DIP2C: variants seen among roughly 807,000 people sequenced by gnomAD.
The protein encoded by DIP2C is DIP2 acetate--CoA ligase C (putative).
DIP2C carries 33 observed loss-of-function variants against 192.4 expected under a neutral mutation model. The observed-to-expected ratio is 0.17, with a 90% confidence interval of 0.13 to 0.23. The LOEUF (loss-of-function observed/expected upper bound fraction) is 0.23, where lower values mean the gene tolerates loss of function less well. Among genes scored for constraint, DIP2C ranks in the 10% least tolerant of loss-of-function variants. DIP2C has a pLI of 1.00. For synonymous variants in DIP2C, 979 were observed against 864.1 expected, an observed-to-expected ratio of 1.13 and a Z score of -2.33; for missense variants, 1,537 against 2,110.1, an observed-to-expected ratio of 0.73 and a Z score of 5.32.
At chr10:626,623 G>C (rs1234801282) in intron 1 of DIP2C, among the ~76,000 whole-genome samples, 1 of 152,080 alleles carries the variant, frequency 6.6e-6, no homozygotes, top group Non-Finnish European at 1.5e-5. Context: ...GCTGCACCCA[G>C]AGGCATTCCG....
At chr10:360,572 C>T (rs1959352396) in intron 22 of DIP2C, among the ~76,000 whole-genome samples, 2 of 152,206 alleles carry the variant, frequency 1.3e-5, no homozygotes, top group Admixed American at 1.3e-4. Flanking sequence ...CACACAAATC[C>T]CAAGTGGGAG....
chr10:572,884 C>T (rs1471849218), intron 1 of DIP2C, among the ~76,000 whole-genome samples: 2 of 152,120 alleles, frequency 1.3e-5, no homozygotes, highest in Non-Finnish European at 1.5e-5. Flanking sequence ...CGGCGGGACT[C>T]GCTAAACAGG....
intron 32 of DIP2C, among the ~76,000 whole-genome samples, chr10:304,671 ACAC>A (rs1409746903): frequency 1.4e-5 from 2 of 140,958 alleles, no homozygotes; most frequent in East Asian, 4.2e-4. Context: ...TGCAACACAC[ACAC>A]AATACTCACA....
chr10:466,041 T>C (rs1184022581), intron 3 of DIP2C, among the ~76,000 whole-genome samples: 273 of 151,262 alleles, frequency 1.8e-3, no homozygotes, highest in African/African-American at 5.8e-3. Context: ...AAAACTACTT[T>C]AAAGTTCATA....
chr10:580,349 G>T (rs1233899480), intron 1 of DIP2C, among the ~76,000 whole-genome samples: 1 of 152,102 alleles, frequency 6.6e-6, no homozygotes, highest in Non-Finnish European at 1.5e-5. Context: ...TAGTGTACAT[G>T]CATGCTTACA....
chr10:566,843 C>G (rs944407575), intron 1 of DIP2C, among the ~76,000 whole-genome samples: 2 of 152,196 alleles, frequency 1.3e-5, no homozygotes, highest in African/African-American at 4.8e-5. Context: ...GCACAGCTAG[C>G]GTGCCACAGA....
At chr10:340,812 C>T (rs1161683208) in intron 29 of DIP2C, 1 of 459,758 alleles carries the variant, frequency 2.2e-6, no homozygotes, top group Admixed American at 2.3e-5. Flanking sequence ...CCCGCAGTAA[C>T]AGCTGGGGTG....
intron 31 of DIP2C, among the ~76,000 whole-genome samples, chr10:316,280 AAAT>A (rs1956769131): frequency 6.6e-6 from 1 of 152,244 alleles, no homozygotes; most frequent in South Asian, 2.1e-4. Context: ...AGTAAAGATT[AAAT>A]AACATTTACC....
chr10:486,852 G>T (rs565635246), intron 1 of DIP2C, among the ~76,000 whole-genome samples: 1 of 152,202 alleles, frequency 6.6e-6, no homozygotes, highest in Non-Finnish European at 1.5e-5. Context: ...CCTGGTGGCC[G>T]GGGCTCTCGT....
chr10:570,890 T>C (rs1849752202), intron 1 of DIP2C, among the ~76,000 whole-genome samples: 1 of 152,264 alleles, frequency 6.6e-6, no homozygotes, highest in Non-Finnish European at 1.5e-5. Flanking sequence ...TGAAATTCCA[T>C]GTACTGCTGC....
intron 34 of DIP2C, among the ~76,000 whole-genome samples, 163 bp from the exon 35 acceptor site, chr10:283,609 G>C (rs936605033): frequency 1.4e-4 from 21 of 152,212 alleles, no homozygotes; most frequent in East Asian, 3.8e-4. Flanking sequence ...TTTCTCGAGA[G>C]ACACACAGAG....
chr10:305,911 C>T (rs1052587207), intron 32 of DIP2C, among the ~76,000 whole-genome samples: 4 of 151,614 alleles, frequency 2.6e-5, no homozygotes, highest in Non-Finnish European at 5.9e-5. Context: ...CCTCCCAAAG[C>T]ACTGGGATTA....
chr10:366,445 GA>G (rs777924679), intron 18 of DIP2C, 34 bp from the exon 19 acceptor site: 13 of 1,613,416 alleles, frequency 8.1e-6, no homozygotes, highest in Non-Finnish European at 6.8e-6. Context: ...TGCAGTGTGA[GA>G]GGGGGCAGGT....
chr10:567,905 T>C (rs529427799), intron 1 of DIP2C, among the ~76,000 whole-genome samples: 1 of 152,194 alleles, frequency 6.6e-6, no homozygotes, highest in Non-Finnish European at 1.5e-5. Flanking sequence ...ACTGGGATTA[T>C]AGGTGTGAGC....
intron 2 of DIP2C, among the ~76,000 whole-genome samples, chr10:484,557 C>T (rs1317329318): frequency 6.6e-6 from 1 of 152,184 alleles, no homozygotes; most frequent in Admixed American, 6.5e-5. Flanking sequence ...GTAAAAGCAA[C>T]GTTCTACTTC....
At chr10:682,718 A>T (rs183255242) in intron 1 of DIP2C, among the ~76,000 whole-genome samples, 48 of 151,728 alleles carry the variant, frequency 3.2e-4, no homozygotes, top group African/African-American at 1.1e-3. Flanking sequence ...TCTCTAATAT[A>T]TGATTTGACT....
intron 1 of DIP2C, among the ~76,000 whole-genome samples, chr10:580,404 C>T (rs564577418): frequency 4.3e-4 from 65 of 151,978 alleles, no homozygotes; most frequent in Non-Finnish European, 4.3e-4. Flanking sequence ...GTGCAAATAC[C>T]CATATGGTGT....
chr10:523,088 A>G (rs1298059849), intron 1 of DIP2C, among the ~76,000 whole-genome samples: 2 of 152,112 alleles, frequency 1.3e-5, no homozygotes, highest in Admixed American at 1.3e-4. Flanking sequence ...CACCTGATGC[A>G]AAGGACCCTG....
At chr10:530,072 C>A (rs1008431673) in intron 1 of DIP2C, among the ~76,000 whole-genome samples, 2 of 152,236 alleles carry the variant, frequency 1.3e-5, no homozygotes, top group African/African-American at 2.4e-5. Context: ...CACACGATGC[C>A]GAGTCTCCAC....
Sources: gnomAD v4.1 joint callset for allele counts (sites outside exome capture counted in the v4.1 genomes callset) on GRCh38, gnomAD v4.1.1 for gene constraint, MANE v1.5 for transcripts, NCBI Gene and HGNC (gene_info 2026-07-23, HGNC 2026-07-21) for gene names.